The following MMP20 variants were observed in gnomAD, a reference collection of about 807,000 sequenced individuals.
The protein encoded by MMP20 is matrix metalloproteinase-20.
In MMP20, 50 loss-of-function variants were observed where a neutral mutation model predicts 51.8. That is an observed-to-expected ratio of 0.97 (90% CI 0.77 to 1.22). The LOEUF (loss-of-function observed/expected upper bound fraction) is 1.22, where lower values mean the gene tolerates loss of function less well. Among genes scored for constraint, MMP20 ranks in the 50% most tolerant of loss-of-function variants. The pLI, the probability that MMP20 is intolerant of heterozygous loss-of-function variation, is 0.00. For synonymous variants in MMP20, 244 were observed against 216.2 expected (o/e 1.13, Z -1.13); for missense variants, 663 against 601.4 (o/e 1.10, Z -1.07).
At chr11:102,602,366 G>GA (rs994026964) in intron 6 of MMP20, among the ~76,000 whole-genome samples, 36 of 150,472 alleles carry the variant, frequency 2.4e-4, no homozygotes, top group South Asian at 2.1e-4. Flanking sequence ...TCCTATTTTG[G>GA]AAAAAAAAAT....
chr11:102,609,655 A>T (rs1040901325), intron 4 of MMP20, among the ~76,000 whole-genome samples: 2 of 152,218 alleles, frequency 1.3e-5, no homozygotes, highest in East Asian at 3.8e-4. Context: ...AAACGAGAGC[A>T]GTGCGTTGAG....
At chr11:102,598,753 A>G (rs1285905168) in intron 6 of MMP20, among the ~76,000 whole-genome samples, 1 of 152,144 alleles carries the variant, frequency 6.6e-6, no homozygotes, top group East Asian at 1.9e-4. Context: ...TGGTGCATCC[A>G]GGGACTTGAT....
chr11:102,619,573 AAC>A (rs71919850), intron 1 of MMP20, among the ~76,000 whole-genome samples: 60,445 of 151,028 alleles, frequency 0.4, 12,416 homozygotes, highest in South Asian at 0.58. Context: ...AATTAAAAAA[AAC>A]AAAATAAATG....
At chr11:102,582,575 G>A (rs1859209634) in intron 8 of MMP20, among the ~76,000 whole-genome samples, 2 of 152,116 alleles carry the variant, frequency 1.3e-5, no homozygotes, top group South Asian at 2.1e-4. Flanking sequence ...ACAGTGATCG[G>A]GAATGAAGAG....
In MMP20 at chr11:102,577,348, G is replaced by A. The variant is rs766621123; in HGVS notation, c.1430C>T (p.Ser477Phe). The A allele has an allele frequency of 6.2e-7, 1 of 1,613,652 alleles. No individual in the cohort carries two copies. Among genetic ancestry groups the A allele is most frequent in the South Asian group, 1.1e-5 (1 of 91,070 alleles). The change falls in exon 10 of 10, where the codon TCT becomes TTT. Residue 477 changes from serine to phenylalanine, a missense_variant. Physicochemically the swap from Ser to Phe is radical, Grantham distance 155. Coordinates refer to ENST00000260228, the MANE Select transcript of MMP20 (RefSeq NM_004771.4). ...TATTTAGCAACCAATCCAGGAACTA[G>A]ATTTCACCACACTAACCACATCTTC... ...EKEDVVSVVKSSSWIGC is the reference protein window; with the variant it reads ...EKEDVVSVVKFSSWIGC
intron 1 of MMP20, among the ~76,000 whole-genome samples, chr11:102,623,445 G>A (rs1359168381): frequency 6.6e-6 from 1 of 152,174 alleles, no homozygotes; most frequent in East Asian, 1.9e-4. Flanking sequence ...AGGGACCTAG[G>A]TTGCATGCTC....
At chr11:102,595,225 T>C (rs1784399) in intron 6 of MMP20, among the ~76,000 whole-genome samples, 131,648 of 152,196 alleles carry the variant, frequency 0.86, 57,125 homozygotes, top group East Asian at 0.99. Flanking sequence ...CCATGTCCAT[T>C]CCACCCTTGC....
chr11:102,604,912 T>C (rs773581550), intron 6 of MMP20, among the ~76,000 whole-genome samples: 12 of 152,228 alleles, frequency 7.9e-5, no homozygotes, highest in Non-Finnish European at 1.6e-4. Context: ...TATCTAGCTC[T>C]CTATCCAGAG....
intron 8 of MMP20, among the ~76,000 whole-genome samples, chr11:102,581,608 G>A (rs1859196765): frequency 6.6e-6 from 1 of 152,148 alleles, no homozygotes; most frequent in African/African-American, 2.4e-5. Context: ...AAAATATGTG[G>A]TGGTTGGGAA....
In MMP20 at chr11:102,611,806, C is replaced by T; in HGVS notation, c.472G>A (p.Val158Ile). Residue 158 changes from valine to isoleucine, a missense_variant, in exon 3 of 10, where the codon GTC (valine) becomes ATC (isoleucine). Val to Ile is a conservative substitution (Grantham distance 29). Transcript: ENST00000260228. ...TCCGCTTCTCCTGAGTTTATTCTGA[C>T]AAAGCTCAGAGGGACGGCGCTACTC... ...AWSSAVPLSF[V>I]RINSGEADIM... The T allele has an allele frequency of 1.9e-6, 3 of 1,614,224 alleles. No homozygotes were observed. Among genetic ancestry groups the T allele is most frequent in the Non-Finnish European group, 1.7e-6 (2 of 1,180,032 alleles).
intron 6 of MMP20, among the ~76,000 whole-genome samples, chr11:102,601,043 T>C (rs1025689550): frequency 1.3e-5 from 2 of 151,930 alleles, no homozygotes; most frequent in South Asian, 2.1e-4. Context: ...ACAATGACAG[T>C]ATGGATTAAA....
At chr11:102,582,442 C>T (rs1456327495) in intron 8 of MMP20, among the ~76,000 whole-genome samples, 1 of 152,078 alleles carries the variant, frequency 6.6e-6, no homozygotes, top group South Asian at 2.1e-4. Context: ...CAGTGTGGGT[C>T]AGGAGGGACA....
At chr11:102,598,088 G>T (rs1356147276) in intron 6 of MMP20, among the ~76,000 whole-genome samples, 4 of 151,992 alleles carry the variant, frequency 2.6e-5, no homozygotes, top group Admixed American at 6.6e-5. Flanking sequence ...ATTTCAAAAA[G>T]AATCTGTAGT....
At chr11:102,619,970 T>C (rs558637365) in intron 1 of MMP20, among the ~76,000 whole-genome samples, 19 of 152,204 alleles carry the variant, frequency 1.2e-4, no homozygotes, top group Non-Finnish European at 2.2e-4. Flanking sequence ...AATTCATCAC[T>C]GCAGTGATAT....
At chr11:102,579,312 T>C (rs1859166220) in intron 8 of MMP20, among the ~76,000 whole-genome samples, 170 bp from the exon 9 acceptor site, 1 of 151,928 alleles carries the variant, frequency 6.6e-6, no homozygotes, top group Non-Finnish European at 1.5e-5. Flanking sequence ...TTTTTCTTTG[T>C]TGTGTTTTTG....
At chr11:102,611,168 A>G (rs1483314012) in intron 3 of MMP20, among the ~76,000 whole-genome samples, 1 of 152,220 alleles carries the variant, frequency 6.6e-6, no homozygotes, top group Non-Finnish European at 1.5e-5. Context: ...CTGGGCTTGA[A>G]ATGACAAGGA....
At position 102,594,474 on chromosome 11, in the gene MMP20, G is replaced by A; in HGVS notation, c.1090+147C>T. The A allele has an allele frequency of 2.1e-6, 2 of 971,904 alleles. 1 individual carries two copies. The highest frequency in any genetic ancestry group is 2.9e-5 in the South Asian group (2 of 69,978). The allele number at this position is 971,904 out of a possible 1,614,324, so 60.2% of individuals were successfully genotyped here. A position where few individuals can be genotyped will look rare whatever the true frequency, so the allele number is the denominator to read the frequency against. ...CACAATGTCGGGTATAACAAATGTA[G>A]GGTGGCATTTCATACCCAACCTGAG... is the stretch of plus-strand genomic sequence containing the variant. On this transcript the variant is annotated intron_variant, in intron 7 of 9. Coordinates refer to ENST00000260228, the MANE Select transcript of MMP20 (RefSeq NM_004771.4).
intron 2 of MMP20, among the ~76,000 whole-genome samples, chr11:102,616,574 C>T (rs1859673247): frequency 6.6e-6 from 1 of 152,098 alleles, no homozygotes; most frequent in African/African-American, 2.4e-5. Context: ...TTGTTTCTAG[C>T]TGGTAAAATT....
At chr11:102,580,846 T>C (rs182388199) in intron 8 of MMP20, among the ~76,000 whole-genome samples, 1 of 152,176 alleles carries the variant, frequency 6.6e-6, no homozygotes, top group African/African-American at 2.4e-5. Context: ...AAAAGATGGT[T>C]CTCGCCAATA....
Sources: allele counts gnomAD v4.1 joint callset (sites outside exome capture counted in the v4.1 genomes callset), GRCh38; gene constraint gnomAD v4.1.1; transcripts MANE v1.5; gene names NCBI Gene and HGNC (gene_info 2026-07-23, HGNC 2026-07-21).